EFHB: variants seen among roughly 807,000 people sequenced by gnomAD.
EFHB encodes EF-hand domain-containing family member B.
In EFHB, 91 loss-of-function variants were observed where a neutral mutation model predicts 87.2. The observed-to-expected ratio is 1.04, with a 90% CI of 0.88 to 1.24. The LOEUF (loss-of-function observed/expected upper bound fraction) is 1.24, where lower values mean the gene tolerates loss of function less well. Among genes scored for constraint, EFHB ranks in the 50% most tolerant of loss-of-function variants. The probability of loss-of-function intolerance (pLI) is 0.00; values close to 1 mark genes in which losing one functional copy is unlikely to be tolerated. For missense variants in EFHB, 1,084 were observed against 998.8 expected (o/e 1.09, Z -1.15); for synonymous variants, 325 against 333.6 (o/e 0.97, Z 0.28).
chr3:19,892,855 CTAAAA>C (rs202053738), intron 9 of EFHB, among the ~76,000 whole-genome samples: 5 of 136,922 alleles, frequency 3.7e-5, no homozygotes, highest in East Asian at 2.0e-4. Context: ...AATCTCATCT[CTAAAA>C]TAAAATAAAA....
intron 11 of EFHB, 123 bp from the exon 12 acceptor site, chr3:19,882,854 C>A: frequency 1.3e-6 from 1 of 790,584 alleles, no homozygotes; most frequent in South Asian, 5.2e-5. Flanking sequence ...TGGTGTATTC[C>A]AAATGTAAAA....
intron 8 of EFHB, 117 bp from the exon 9 acceptor site, chr3:19,896,958 T>G: frequency 2.3e-6 from 2 of 888,322 alleles, no homozygotes; most frequent in Non-Finnish European, 1.7e-6. Flanking sequence ...CATCTAACTC[T>G]GACATGATTA....
chr3:19,915,271 C>G, intron 5 of EFHB, 32 bp downstream of exon 5: 1 of 1,473,754 alleles, frequency 6.8e-7, no homozygotes, highest in African/African-American at 1.4e-5. Context: ...GTCCCATATC[C>G]TCAGGCCCAT....
intron 6 of EFHB, among the ~76,000 whole-genome samples, chr3:19,905,331 A>G (rs960552308): frequency 1.8e-4 from 28 of 152,226 alleles, no homozygotes; most frequent in Non-Finnish European, 3.5e-4. Context: ...TAAGAAACAC[A>G]AATAAAGTTG....
chr3:19,921,506 G>T (rs2171275), intron 1 of EFHB, among the ~76,000 whole-genome samples: 119,664 of 151,934 alleles, frequency 0.79, 48,259 homozygotes, highest in African/African-American at 0.91. Context: ...TTAGATACAT[G>T]AAGAAGGAAA....
chr3:19,911,797 C>G (rs946233864), intron 5 of EFHB, among the ~76,000 whole-genome samples: 2 of 151,614 alleles, frequency 1.3e-5, no homozygotes, highest in African/African-American at 4.8e-5. Context: ...GAAAAATAGT[C>G]TAAAAGGGGC....
intron 5 of EFHB, among the ~76,000 whole-genome samples, chr3:19,913,842 G>A (rs6767614): frequency 0.18 from 27,250 of 152,114 alleles, 2,843 homozygotes; most frequent in African/African-American, 0.28. Context: ...CAGACACATA[G>A]ACCAATGGAA....
chr3:19,920,039 A>T (rs1695383307), intron 2 of EFHB, 63 bp from the exon 3 acceptor site: 11 of 1,549,118 alleles, frequency 7.1e-6, no homozygotes, highest in African/African-American at 1.4e-5. Flanking sequence ...AACAGGACTG[A>T]TCTATACCAA....
intron 5 of EFHB, among the ~76,000 whole-genome samples, chr3:19,912,388 C>A (rs2125143847): frequency 6.6e-6 from 1 of 151,420 alleles, no homozygotes; most frequent in Admixed American, 6.6e-5. Flanking sequence ...GAAATAAAGA[C>A]TCTCACAGGC....
At chr3:19,934,405 C>G (rs1416544410), upstream of EFHB, among the ~76,000 whole-genome samples, 1 of 134,956 alleles carries the variant, frequency 7.4e-6, no homozygotes, top group Non-Finnish European at 1.6e-5. Flanking sequence ...CCCCTTCTCT[C>G]TCCTCTCTCT....
At chr3:19,932,014 T>C (rs984039631) in intron 1 of EFHB, among the ~76,000 whole-genome samples, 4 of 152,208 alleles carry the variant, frequency 2.6e-5, no homozygotes, top group African/African-American at 7.2e-5. Flanking sequence ...ATATTGAAGA[T>C]AGCCAACACT....
At chr3:19,890,330 C>G (rs568295479) in intron 9 of EFHB, among the ~76,000 whole-genome samples, 4 of 152,270 alleles carry the variant, frequency 2.6e-5, no homozygotes, top group Middle Eastern at 3.4e-3. Flanking sequence ...GAAGTAGGAC[C>G]AAGGGCTCCA....
chr3:19,940,467 C>A (rs1334493577), intron 1 of EFHB: 3 of 495,538 alleles, frequency 6.1e-6, no homozygotes, highest in African/African-American at 2.0e-5. Flanking sequence ...TTTCATTACG[C>A]CTGACAAGAA....
Position 19,909,040 on chromosome 3 carries a change from C to G in EFHB, c.1289-3291G>C, listed in dbSNP as rs954997692. 9.3e-5 allele frequency among the ~76,000 whole-genome samples: 12 copies of G among 128,456 alleles called. 1 individual carries two copies. The highest frequency in any genetic ancestry group is 6.5e-5 in the Non-Finnish European group (4 of 61,820). 84.3% of individuals were successfully genotyped at this position (128,456 alleles called of 152,430 possible). Reference sequence around the variant, plus strand: ...GTGTCCCAGACCCACACCCGCCCCCCACCCCCTACAAGGACCAAGTTGACA... The same window carrying G: ...GTGTCCCAGACCCACACCCGCCCCCGACCCCCTACAAGGACCAAGTTGACA... On this transcript the variant is annotated intron_variant, in intron 5 of 12. Coordinates refer to ENST00000295824, the MANE Select transcript of EFHB (RefSeq NM_144715.4).
At chr3:19,903,474 C>T (rs1370037869) in intron 6 of EFHB, among the ~76,000 whole-genome samples, 2 of 151,894 alleles carry the variant, frequency 1.3e-5, no homozygotes, top group African/African-American at 2.4e-5. Context: ...TTTTAAGTAT[C>T]AATTTATTTA....
chr3:19,884,857 T>C (rs183763736), intron 10 of EFHB, among the ~76,000 whole-genome samples: 91 of 148,242 alleles, frequency 6.1e-4, no homozygotes, highest in African/African-American at 2.1e-3. Context: ...TATTCTAGAA[T>C]AAAGCTTTGA....
chr3:19,940,706 G>A (rs775504402), intron 1 of EFHB: 36 of 346,630 alleles, frequency 1.0e-4, no homozygotes, highest in Middle Eastern at 1.1e-3. Flanking sequence ...CTGTACTCTT[G>A]TGCACAGCAG....
At chr3:19,912,794 T>C (rs917426021) in intron 5 of EFHB, among the ~76,000 whole-genome samples, 1 of 152,196 alleles carries the variant, frequency 6.6e-6, no homozygotes, top group Non-Finnish European at 1.5e-5. Context: ...TGTTAAGTTG[T>C]TATCAGGTTA....
chr3:19,939,919 C>T (rs1696117544), intron 1 of EFHB, among the ~76,000 whole-genome samples: 1 of 152,148 alleles, frequency 6.6e-6, no homozygotes, highest in African/African-American at 2.4e-5. Context: ...CCTCCAACAA[C>T]TTAGTGTTAT....
Sources: allele counts gnomAD v4.1 joint callset (sites outside exome capture counted in the v4.1 genomes callset), GRCh38; gene constraint gnomAD v4.1.1; transcripts MANE v1.5; gene names NCBI Gene and HGNC (gene_info 2026-07-23, HGNC 2026-07-21).